The following WDR11 variants were observed in gnomAD, a reference collection of about 807,000 sequenced individuals.
WDR11 encodes WD repeat domain 11, also known as WD repeat-containing protein 11.
A neutral mutation model predicts 151.2 loss-of-function variants in WDR11; 83 were observed. That is an observed-to-expected ratio of 0.55 (90% CI 0.46 to 0.66). WDR11 has a LOEUF of 0.66. Among genes scored for constraint, WDR11 ranks in the 30% least tolerant of loss-of-function variants. WDR11 has a pLI of 0.00. For synonymous variants in WDR11, 484 were observed against 533.1 expected (o/e 0.91, Z 1.27); for missense variants, 1,301 against 1,480.9 (o/e 0.88, Z 1.99).
In WDR11 at chr10:120,873,893, A is replaced by G; in HGVS notation, c.1526A>G (p.Lys509Arg). 1 of 1,613,124 alleles carries G rather than the reference A, an allele frequency of 6.2e-7. No homozygotes were observed. Among genetic ancestry groups the G allele is most frequent in the Non-Finnish European group, 8.5e-7 (1 of 1,179,212 alleles). The change falls in exon 11 of 29, where the codon AAA becomes AGA. Residue 509 changes from lysine (K) to arginine (R), a missense_variant. Lys to Arg is a conservative substitution (Grantham distance 26). Around this residue, in one of 3 missense-constraint regions of WDR11, gnomAD observed 692 missense variants for 762.5 expected, o/e 0.91. Transcript: ENST00000263461. Reference sequence around the variant, plus strand: ...CATCTCACCAGTGGTCTGCTACACAAAGAGTTAAGCATCCACTCATGTGAA... The same window carrying G: ...CATCTCACCAGTGGTCTGCTACACAGAGAGTTAAGCATCCACTCATGTGAA... ...VYHLTSGLLHKELSIHSCEVK... is the reference protein window; with the variant it reads ...VYHLTSGLLHRELSIHSCEVK...
chr10:120,899,022 A>G (rs544332144), intron 19 of WDR11, among the ~76,000 whole-genome samples: 2 of 152,320 alleles, frequency 1.3e-5, no homozygotes, highest in African/African-American at 4.8e-5. Flanking sequence ...AAGCCAGGGC[A>G]CCCCTAGAAA....
chr10:120,904,296 C>A, intron 24 of WDR11, 154 bp downstream of exon 24: 1 of 686,854 alleles, frequency 1.5e-6, no homozygotes, highest in African/African-American at 1.8e-5. Flanking sequence ...CAAAATAATA[C>A]CAATAAACCT....
chr10:120,858,817 T>C, intron 3 of WDR11, 21 bp downstream of exon 3: 1 of 1,614,084 alleles, frequency 6.2e-7, no homozygotes, highest in East Asian at 2.2e-5. Flanking sequence ...TCTGCTCAGC[T>C]AAGTGTGTAT....
intron 2 of WDR11, 56 bp downstream of exon 2, chr10:120,852,691 G>A (rs1845822811): frequency 3.6e-6 from 5 of 1,401,016 alleles, no homozygotes; most frequent in East Asian, 4.6e-5. Context: ...GTTTAATACT[G>A]TGTATCACTA....
Position 120,865,032 on chromosome 10 carries a change from G to T in WDR11, c.714-15G>T. 1 of 1,613,606 alleles carries T rather than the reference G, an allele frequency of 6.2e-7. No individual in the cohort carries two copies. The highest frequency in any genetic ancestry group is 2.2e-5 in the East Asian group (1 of 44,816). ...AATGAAGTCTTTGACCCAAGTGAAT[G>T]TTTACTTTTTTCAGTGCTGAATTCA... On this transcript the variant is annotated splice_polypyrimidine_tract_variant and intron_variant, in intron 5 of 28. Coordinates refer to ENST00000263461, the MANE Select transcript of WDR11 (RefSeq NM_018117.12).
At chr10:120,906,564 T>TTAAAG (rs1484523976) in intron 27 of WDR11, 2 of 1,416,110 alleles carry the variant, frequency 1.4e-6, no homozygotes, top group Middle Eastern at 2.4e-4. Flanking sequence ...TCACAATTTT[T>TTAAAG]TAAAGTATTA....
At position 120,908,592 on chromosome 10, in the gene WDR11, G is replaced by C; in HGVS notation, c.3554G>C (p.Arg1185Pro). Residue 1185 changes from arginine (R) to proline (P), a missense_variant, in exon 29 of 29, where the codon CGG (arginine) becomes CCG (proline). Transcript: ENST00000263461. ...ACTGCTATATATGCAGATTATGCCC[G>C]GAGTTTGAAGAACCTCGGTTTTAAG... ...LITAIYADYA[R>P]SLKNLGFKQG... The C allele has an allele frequency of 6.2e-7, 1 of 1,614,148 alleles. No individual in the cohort carries two copies.
chr10:120,862,853 G>A lies in WDR11; in HGVS notation c.645G>A (p.Leu215=). The A allele has an allele frequency of 6.2e-7, 1 of 1,613,950 alleles. No homozygotes were observed. Among genetic ancestry groups the A allele is most frequent in the Non-Finnish European group, 8.5e-7 (1 of 1,179,984 alleles). ...SPHSSPAHNK[L]ATATGAKKAL... is the part of the protein sequence containing the mutation. ...ACTCTAGCCCAGCTCATAACAAGCT[G>A]GCCACAGCCACAGGTGCCAAGAAAG... The change falls in exon 5 of 29, where the codon CTG becomes CTA. Residue 215 remains leucine, a synonymous_variant. Coordinates refer to ENST00000263461, the MANE Select transcript of WDR11 (RefSeq NM_018117.12).
chr10:120,893,061 C>T (rs1489574249), intron 19 of WDR11, among the ~76,000 whole-genome samples: 4 of 150,772 alleles, frequency 2.7e-5, no homozygotes, highest in Admixed American at 6.6e-5. Context: ...ATGTGCACAA[C>T]GTGCAGGTTT....
intron 26 of WDR11, 41 bp downstream of exon 26, chr10:120,905,457 G>T (rs750228264): frequency 1.4e-5 from 22 of 1,601,708 alleles, no homozygotes; most frequent in Admixed American, 3.3e-5. Flanking sequence ...TCAACATTCG[G>T]GATAGAAAGC....
intron 19 of WDR11, among the ~76,000 whole-genome samples, chr10:120,893,952 C>G (rs538821816): frequency 6.6e-6 from 1 of 151,918 alleles, no homozygotes; most frequent in African/African-American, 2.4e-5. Context: ...AATTTTTCTC[C>G]CATTCTGTAG....
At chr10:120,858,419 A>G (rs1034866978) in intron 2 of WDR11, among the ~76,000 whole-genome samples, 2 of 152,210 alleles carry the variant, frequency 1.3e-5, no homozygotes, top group African/African-American at 4.8e-5. Flanking sequence ...TCATCACAGG[A>G]TCTTTGTGAT....
At chr10:120,904,532 C>G in intron 24 of WDR11, 114 bp from the exon 25 acceptor site, 1 of 1,292,300 alleles carries the variant, frequency 7.7e-7, no homozygotes, top group South Asian at 1.3e-5. Flanking sequence ...ACAAAATATT[C>G]AATTGCATTT....
intron 6 of WDR11, 24 bp downstream of exon 6, chr10:120,865,236 T>C: frequency 6.2e-7 from 1 of 1,608,748 alleles, no homozygotes; most frequent in Non-Finnish European, 8.5e-7. Flanking sequence ...ATAAATTATA[T>C]TCCCCAAAAT....
intron 13 of WDR11, among the ~76,000 whole-genome samples, chr10:120,883,101 CA>C (rs142415785): frequency 0.053 from 8,126 of 151,978 alleles, 278 homozygotes; most frequent in Non-Finnish European, 0.065. Context: ...GGTGTTTTGC[CA>C]GGTATCTTTC....
At chr10:120,877,990 G>A (rs1295485875) in intron 11 of WDR11, among the ~76,000 whole-genome samples, 1 of 152,092 alleles carries the variant, frequency 6.6e-6, no homozygotes, top group East Asian at 1.9e-4. Flanking sequence ...AAATAGAGAG[G>A]TATATGTAGA....
At chr10:120,890,992 T>C (rs1847412719) in intron 19 of WDR11, 105 bp downstream of exon 19, 31 of 1,252,162 alleles carry the variant, frequency 2.5e-5, no homozygotes, top group Non-Finnish European at 3.3e-5. Flanking sequence ...TTCAGTCTTA[T>C]TTTCTTAGAA....
chr10:120,896,350 T>G (rs970059996), intron 19 of WDR11, among the ~76,000 whole-genome samples: 2 of 152,184 alleles, frequency 1.3e-5, no homozygotes, highest in Middle Eastern at 3.2e-3. Context: ...ATGGAGAGTA[T>G]GGGGATAGCA....
chr10:120,886,634 G>A lies in WDR11; in HGVS notation c.1974-55G>A, dbSNP rs1315827726. The A allele has an allele frequency of 8.8e-6, 14 of 1,584,516 alleles. No individual in the cohort carries two copies. The East Asian group carries it at 1.1e-4, about 13-fold the overall frequency. Reference sequence around the variant, plus strand: ...CTTTGGGCAAGTTAATTAATTATGAGTATCACTCTAGGGGAAAAAAAAACA... The same window carrying A: ...CTTTGGGCAAGTTAATTAATTATGAATATCACTCTAGGGGAAAAAAAAACA... On this transcript the variant is annotated intron_variant, in intron 15 of 28. Coordinates refer to ENST00000263461, the MANE Select transcript of WDR11 (RefSeq NM_018117.12).
Sources: allele counts gnomAD v4.1 joint callset (sites outside exome capture counted in the v4.1 genomes callset), GRCh38; gene constraint gnomAD v4.1.1; regional missense constraint gnomAD v4.1.1; transcripts MANE v1.5; gene names NCBI Gene and HGNC (gene_info 2026-07-23, HGNC 2026-07-21).